The following PIEZO2 variants were observed in gnomAD, a reference collection of about 807,000 sequenced individuals.
PIEZO2 encodes piezo type mechanosensitive ion channel component 2.
PIEZO2 carries 172 observed loss-of-function variants against 337.3 expected under a neutral mutation model. The ratio of observed to expected loss-of-function variants is 0.51; its 90% CI spans 0.45 to 0.58. PIEZO2 has a LOEUF of 0.58. Among genes scored for constraint, PIEZO2 ranks in the 20% least tolerant of loss-of-function variants. The probability of loss-of-function intolerance (pLI) is 0.00; values close to 1 mark genes in which losing one functional copy is unlikely to be tolerated. For synonymous variants in PIEZO2, 1,251 were observed against 1,228.5 expected, an observed-to-expected ratio of 1.02 and a Z score of -0.38; for missense variants, 3,028 against 3,391.3, an observed-to-expected ratio of 0.89 and a Z score of 2.66.
chr18:11,139,005 T>A (rs2040565326), intron 1 of PIEZO2, among the ~76,000 whole-genome samples: 1 of 152,218 alleles, frequency 6.6e-6, no homozygotes, highest in Non-Finnish European at 1.5e-5. Context: ...CTGCTCTCGA[T>A]GAGAAGGAAC....
chr18:10,889,163 G>A (rs1257986922), intron 4 of PIEZO2, among the ~76,000 whole-genome samples: 2 of 152,198 alleles, frequency 1.3e-5, no homozygotes, highest in Non-Finnish European at 2.9e-5. Flanking sequence ...AGGTACTTCC[G>A]TCACCTGCCA....
At chr18:10,981,586 GA>G (rs2034668783) in intron 2 of PIEZO2, among the ~76,000 whole-genome samples, 1 of 152,200 alleles carries the variant, frequency 6.6e-6, no homozygotes, top group Non-Finnish European at 1.5e-5. Flanking sequence ...AACCTAGTGT[GA>G]TGGTTAATAC....
At position 11,148,620 on chromosome 18, in the gene PIEZO2, C is replaced by A; in HGVS notation, c.-32G>T. The A allele has an allele frequency of 1.3e-6, 2 of 1,535,240 alleles. No individual in the cohort carries two copies. Among genetic ancestry groups the A allele is most frequent in the Non-Finnish European group, 1.7e-6 (2 of 1,146,118 alleles). ...GGTCCGGCGAGTCGGAGCAGAGGGG[C>A]GAGGCTCGAGGGTCCCTAGGGGTGG... On this transcript the variant is annotated 5_prime_UTR_variant, in exon 1 of 56. Transcript: ENST00000674853. The surrounding 1 kb of genome is among the most constrained non-coding windows in gnomAD (Gnocchi z 5.2).
chr18:11,073,031 C>T (rs2038402662), intron 1 of PIEZO2, among the ~76,000 whole-genome samples: 1 of 152,190 alleles, frequency 6.6e-6, no homozygotes, highest in Admixed American at 6.5e-5. Context: ...CTATGTAAGG[C>T]TTTATATTAT....
At chr18:10,687,291 G>A (rs926985986) in intron 49 of PIEZO2, among the ~76,000 whole-genome samples, 9 of 116,680 alleles carry the variant, frequency 7.7e-5, no homozygotes, top group East Asian at 4.3e-4. Flanking sequence ...CTCACTCCCC[G>A]CAACCCATGA....
intron 33 of PIEZO2, chr18:10,738,841 T>C (rs574275758): frequency 1.3e-5 from 2 of 152,344 alleles, no homozygotes; most frequent in Non-Finnish European, 2.9e-5. Context: ...GAAGGTATCA[T>C]TGAACAGCAA....
intron 30 of PIEZO2, among the ~76,000 whole-genome samples, chr18:10,744,914 G>GC (rs1203083049): frequency 2.0e-5 from 3 of 152,210 alleles, no homozygotes; most frequent in Non-Finnish European, 1.5e-5. Flanking sequence ...GGGGCTGTTG[G>GC]CAGCTGCTGG....
rs553263045 is a variant in PIEZO2 at position 10,811,151 on chromosome 18, T to A, written c.918-3877A>T. Among the ~76,000 whole-genome samples, 12 of 152,336 alleles carry A rather than the reference T, an allele frequency of 7.9e-5. No homozygotes were observed. In the Middle Eastern group the frequency reaches 0.01, roughly 130 times the overall value. On this transcript the variant is annotated intron_variant, in intron 7 of 55. Coordinates refer to ENST00000674853, the MANE Select transcript of PIEZO2 (RefSeq NM_001378183.1). ...CTTCATTCACGTTTCTTCCTATCTC[T>A]TTGTTGTCGCTGGTTGTTAATATCC... is the stretch of plus-strand genomic sequence containing the variant.
At chr18:10,772,678 C>T (rs979999639) in intron 20 of PIEZO2, among the ~76,000 whole-genome samples, 1 of 152,162 alleles carries the variant, frequency 6.6e-6, no homozygotes, top group Non-Finnish European at 1.5e-5. Flanking sequence ...CAGAACCTCA[C>T]CCCAGAGATG....
chr18:10,876,029 T>C (rs1437565216), intron 4 of PIEZO2, among the ~76,000 whole-genome samples: 3 of 152,252 alleles, frequency 2.0e-5, no homozygotes, highest in Admixed American at 6.5e-5. Flanking sequence ...GCATTCATAA[T>C]ACTGCCATTG....
chr18:10,675,882 G>A (rs570737137), intron 53 of PIEZO2, among the ~76,000 whole-genome samples: 22 of 152,148 alleles, frequency 1.4e-4, no homozygotes, highest in Non-Finnish European at 2.2e-4. Context: ...TCCCCTGCAC[G>A]TGCTCCCTTG....
intron 4 of PIEZO2, among the ~76,000 whole-genome samples, chr18:10,906,749 C>T (rs570653730): frequency 2.0e-5 from 3 of 151,820 alleles, no homozygotes; most frequent in African/African-American, 7.3e-5. Flanking sequence ...TTAGTAGACA[C>T]GAGGTTTCAC....
chr18:10,678,863 G>A (rs888460774), intron 52 of PIEZO2, among the ~76,000 whole-genome samples: 1 of 152,154 alleles, frequency 6.6e-6, no homozygotes, highest in African/African-American at 2.4e-5. Context: ...CGTTGGAAGG[G>A]GGTCAGGTAG....
chr18:11,124,576 G>T (rs1400082701), intron 1 of PIEZO2, among the ~76,000 whole-genome samples: 1 of 152,138 alleles, frequency 6.6e-6, no homozygotes, highest in Admixed American at 6.5e-5. Flanking sequence ...ATAGTTCCTT[G>T]ATGGAGACTT....
At position 10,760,991 on chromosome 18, in the gene PIEZO2, T is replaced by C. The variant is rs1300359852; in HGVS notation, c.3370A>G (p.Thr1124Ala). 6.5e-7 allele frequency: 1 copy of C among 1,533,760 alleles called. No homozygotes were observed. Residue 1124 changes from threonine (T) to alanine (A), a missense_variant, in exon 24 of 56, where the codon ACA becomes GCA. Thr to Ala is a moderately conservative substitution (Grantham distance 58). This residue lies in a region of PIEZO2 where 1,925 missense variants were observed against 2,051.9 expected (regional missense o/e 0.94). Coordinates refer to ENST00000674853, the MANE Select transcript of PIEZO2 (RefSeq NM_001378183.1). ...AGTCCATCATCTAGATGTAGTCTTG[T>C]AATGTCATGAAAGATAGTTCTAGAC... is the stretch of plus-strand genomic sequence containing the variant. Reference protein sequence around the residue: ...PVSRTIFHDITRLHLDDGLIN... With the variant: ...PVSRTIFHDIARLHLDDGLIN...
rs2035482278 is a variant in PIEZO2, at chr18:10,704,483, G to A, written c.6169C>T (p.Leu2057=). 1.3e-6 allele frequency: 2 copies of A among 1,537,160 alleles called. No homozygotes were observed. The highest frequency in any genetic ancestry group is 1.7e-6 in the Non-Finnish European group (2 of 1,146,930). ...CAGAGGAAGATGAGGATGGGAAGCA[G>A]GAGCGTGATCATGGAGGCAGAGACC... ...HMVSASMITL[L]LPILIFLWAM... Residue 2057 remains leucine, a synonymous_variant, in exon 42 of 56, where the codon CTG becomes TTG. Coordinates refer to ENST00000674853, the MANE Select transcript of PIEZO2 (RefSeq NM_001378183.1).
At chr18:10,739,655 G>A (rs1308163871) in intron 33 of PIEZO2, 1 of 152,170 alleles carries the variant, frequency 6.6e-6, no homozygotes, top group Admixed American at 6.5e-5. Context: ...CAGATTGTTA[G>A]CGTGACTGTC....
At position 10,824,659 on chromosome 18, in the gene PIEZO2, GTGT is replaced by G. The variant is rs979010000; in HGVS notation, c.918-17388_918-17386del. On this transcript the variant is annotated intron_variant, in intron 7 of 55. Transcript: ENST00000674853. The surrounding 1 kb of genome is among the most constrained non-coding windows in gnomAD (Gnocchi z 4.4). ...AAACAAGTTCCAAGATATATTTCAA[GTGT>G]TTTTTTAAATTTTAGAACAATTTTA... 6.6e-6 allele frequency among the ~76,000 whole-genome samples: 1 copy of G among 151,862 alleles called. No homozygotes were observed. Among genetic ancestry groups the G allele is most frequent in the Non-Finnish European group, 1.5e-5 (1 of 67,988 alleles).
In PIEZO2 at chr18:10,863,323, T is replaced by A. The variant is rs1160448369; in HGVS notation, c.493-6112A>T. ...TTTGAATGCTATTGTGTGTACCTTA[T>A]GCAAGCCTAACGTGATCGCATTTAA... On this transcript the variant is annotated intron_variant, in intron 5 of 55. Coordinates refer to ENST00000674853, the MANE Select transcript of PIEZO2 (RefSeq NM_001378183.1). The surrounding 1 kb of genome is among the most constrained non-coding windows in gnomAD (Gnocchi z 4.3). Among the ~76,000 whole-genome samples the A allele has an allele frequency of 6.6e-6, 1 of 152,254 alleles. No homozygotes were observed. Among genetic ancestry groups the A allele is most frequent in the Non-Finnish European group, 1.5e-5 (1 of 68,040 alleles).
Sources: allele counts gnomAD v4.1 joint callset (sites outside exome capture counted in the v4.1 genomes callset), GRCh38; gene constraint gnomAD v4.1.1; regional missense constraint gnomAD v4.1.1; non-coding constraint Gnocchi (gnomAD v3.1); transcripts MANE v1.5; gene names NCBI Gene and HGNC (gene_info 2026-07-23, HGNC 2026-07-21).